The following GPC5 variants were observed in gnomAD, a reference collection of about 807,000 sequenced individuals.
GPC5 encodes the protein glypican 5, also known as glypican-5.
GPC5 carries 47 observed loss-of-function variants against 53.9 expected under a neutral mutation model. The ratio of observed to expected loss-of-function variants is 0.87; its 90% CI spans 0.69 to 1.11. The LOEUF (loss-of-function observed/expected upper bound fraction) is 1.11, where lower values mean the gene tolerates loss of function less well. GPC5 is among the 50% of genes most tolerant of loss of function. The pLI is 0.00. For missense variants in GPC5, 748 were observed against 713.1 expected (o/e 1.05, Z -0.56); for synonymous variants, 286 against 263.3 (o/e 1.09, Z -0.84).
Position 92,643,122 on chromosome 13 carries a change from T to C in GPC5, c.1562-223160T>C, listed in dbSNP as rs1464863026. The stretch of plus-strand genomic sequence containing the variant: ...TGAGTTCATTGTAGATTCTGGATAT[T>C]AGCCCTTTGTCAGATGAGGAGGTTG... On this transcript the variant is annotated intron_variant, in intron 7 of 7. Coordinates refer to ENST00000377067, the MANE Select transcript of GPC5 (RefSeq NM_004466.6). Among the ~76,000 whole-genome samples, 7 of 152,142 alleles carry C rather than the reference T, an allele frequency of 4.6e-5. 1 individual carries two copies. The highest frequency in any genetic ancestry group is 1.0e-4 in the Non-Finnish European group (7 of 68,022).
intron 7 of GPC5, among the ~76,000 whole-genome samples, chr13:92,597,990 A>G (rs1883933001): frequency 6.6e-6 from 1 of 152,160 alleles, no homozygotes; most frequent in African/African-American, 2.4e-5. Context: ...TTGGAACTAC[A>G]GGGACAGTTT....
At chr13:91,977,187 A>G (rs546369668) in intron 6 of GPC5, among the ~76,000 whole-genome samples, 13 of 152,310 alleles carry the variant, frequency 8.5e-5, no homozygotes, top group Admixed American at 4.6e-4. Flanking sequence ...TGATATGTAA[A>G]TAAATATGCC....
chr13:92,292,225 G>C (rs1309921548), intron 7 of GPC5, among the ~76,000 whole-genome samples: 1 of 152,172 alleles, frequency 6.6e-6, no homozygotes, highest in Non-Finnish European at 1.5e-5. Context: ...TGGATCAAAT[G>C]GTAGCTCTAC....
chr13:92,470,924 G>A (rs1594229919), intron 7 of GPC5, among the ~76,000 whole-genome samples: 1 of 152,122 alleles, frequency 6.6e-6, no homozygotes, highest in South Asian at 2.1e-4. Flanking sequence ...GAAGAAGCAA[G>A]TTGCTTTGAT....
intron 7 of GPC5, among the ~76,000 whole-genome samples, chr13:92,349,307 C>A (rs1390720860): frequency 6.6e-6 from 1 of 152,002 alleles, no homozygotes; most frequent in Non-Finnish European, 1.5e-5. Flanking sequence ...TGACAGCTGG[C>A]TAATGTTTTA....
chr13:92,284,810 C>T (rs1334093896), intron 7 of GPC5, among the ~76,000 whole-genome samples: 1 of 152,166 alleles, frequency 6.6e-6, no homozygotes, highest in African/African-American at 2.4e-5. Context: ...AAACTGGAAG[C>T]ATTCCCTTTG....
In GPC5 at chr13:92,278,865, C is replaced by A. The variant is rs183659751; in HGVS notation, c.1561+133876C>A. On this transcript the variant is annotated intron_variant, in intron 7 of 7. Coordinates refer to ENST00000377067, the MANE Select transcript of GPC5 (RefSeq NM_004466.6). ...ATGCTTGGGTTTATTTCTGGACTCT[C>A]AATTCTATTCCATTGGTCTATATGT... 5.3e-3 allele frequency among the ~76,000 whole-genome samples: 802 copies of A among 152,138 alleles called. 3 individuals are homozygous for A. The highest frequency in any genetic ancestry group is 7.9e-3 in the Non-Finnish European group (536 of 67,898).
chr13:91,638,005 C>G (rs551570200), intron 2 of GPC5, among the ~76,000 whole-genome samples: 4 of 152,214 alleles, frequency 2.6e-5, no homozygotes, highest in East Asian at 3.9e-4. Context: ...GAGGATAGCT[C>G]TATAATTGAA....
chr13:92,337,750 A>G (rs997505074), intron 7 of GPC5, among the ~76,000 whole-genome samples: 2 of 152,182 alleles, frequency 1.3e-5, no homozygotes, highest in African/African-American at 4.8e-5. Flanking sequence ...CTGGATTTAC[A>G]TGCAAAATTT....
intron 2 of GPC5, among the ~76,000 whole-genome samples, chr13:91,498,109 A>G (rs1452180492): frequency 6.6e-6 from 1 of 150,522 alleles, no homozygotes; most frequent in Admixed American, 6.6e-5. Context: ...CTCCCGCTTA[A>G]TGCTTTTCAC....
At chr13:92,578,541 G>C (rs373081789) in intron 7 of GPC5, among the ~76,000 whole-genome samples, 7 of 152,120 alleles carry the variant, frequency 4.6e-5, no homozygotes, top group African/African-American at 1.7e-4. Context: ...AGCGTAATGC[G>C]GTCTGAGTCC....
intron 7 of GPC5, among the ~76,000 whole-genome samples, chr13:92,700,521 A>C (rs1887699804): frequency 6.6e-6 from 1 of 152,102 alleles, no homozygotes; most frequent in South Asian, 2.1e-4. Flanking sequence ...TAGTTGATGC[A>C]GTTTCTTCAT....
intron 7 of GPC5, among the ~76,000 whole-genome samples, chr13:92,664,354 A>ATT (rs34073544): frequency 2.8e-4 from 41 of 144,230 alleles, no homozygotes; most frequent in African/African-American, 1.0e-3. Flanking sequence ...AATCCAATAG[A>ATT]TTTTTTTTTT....
chr13:91,488,918 G>C (rs1883771197), intron 2 of GPC5, among the ~76,000 whole-genome samples: 1 of 152,188 alleles, frequency 6.6e-6, no homozygotes, highest in African/African-American at 2.4e-5. Context: ...CTGAGGGGAG[G>C]CCTCGAAAAT....
intron 7 of GPC5, among the ~76,000 whole-genome samples, chr13:92,351,167 C>G (rs2043473973): frequency 6.6e-6 from 1 of 150,712 alleles, no homozygotes; most frequent in Non-Finnish European, 1.5e-5. Context: ...TTTTAAAAAC[C>G]CTAACAAAAT....
At chr13:92,580,850 G>T (rs147392317) in intron 7 of GPC5, among the ~76,000 whole-genome samples, 8 of 152,092 alleles carry the variant, frequency 5.3e-5, no homozygotes, top group African/African-American at 1.9e-4. Flanking sequence ...CAACATTGGG[G>T]GTTATATTTC....
chr13:91,705,883 C>CTTTT (rs11411010), intron 3 of GPC5, among the ~76,000 whole-genome samples: 2 of 134,270 alleles, frequency 1.5e-5, no homozygotes, highest in East Asian at 2.2e-4. Flanking sequence ...TCTTTCTTTT[C>CTTTT]TTTTTTTTTT....
intron 6 of GPC5, among the ~76,000 whole-genome samples, chr13:91,973,366 G>A (rs149581973): frequency 7.9e-5 from 12 of 152,140 alleles, no homozygotes; most frequent in African/African-American, 2.2e-4. Context: ...TCATCCATTC[G>A]TCTAATTATT....
chr13:91,621,482 C>T (rs1334279697), intron 2 of GPC5, among the ~76,000 whole-genome samples: 5 of 151,898 alleles, frequency 3.3e-5, no homozygotes, highest in Admixed American at 3.3e-4. Context: ...CCCAGGATTT[C>T]TTTTCAAGAA....
Sources: allele counts gnomAD v4.1 joint callset (sites outside exome capture counted in the v4.1 genomes callset), GRCh38; gene constraint gnomAD v4.1.1; transcripts MANE v1.5; gene names NCBI Gene and HGNC (gene_info 2026-07-23, HGNC 2026-07-21).